The following PIK3AP1 variants were observed in gnomAD, a reference collection of about 807,000 sequenced individuals.
The protein encoded by PIK3AP1 is phosphoinositide 3-kinase adapter protein 1.
In PIK3AP1, 21 loss-of-function variants were observed where a neutral mutation model predicts 88.1. The ratio of observed to expected loss-of-function variants is 0.24; its 90% CI spans 0.17 to 0.34. The LOEUF is 0.34. Ranked by LOEUF, PIK3AP1 falls within the 10% of genes least tolerant of loss-of-function variation. PIK3AP1 has a pLI of 1.00. For missense variants in PIK3AP1, 828 were observed against 1,035.7 expected (o/e 0.80, Z 2.75); for synonymous variants, 398 against 400.0 (o/e 1.00, Z 0.06).
At chr10:96,666,714 G>A (rs1233848986) in intron 2 of PIK3AP1, among the ~76,000 whole-genome samples, 2 of 151,978 alleles carry the variant, frequency 1.3e-5, no homozygotes, top group African/African-American at 4.8e-5. Flanking sequence ...TATGGTGACT[G>A]CTCAATAGTC....
intron 2 of PIK3AP1, among the ~76,000 whole-genome samples, chr10:96,667,259 T>C (rs566161971): frequency 6.6e-5 from 10 of 152,194 alleles, no homozygotes; most frequent in Admixed American, 2.0e-4. Flanking sequence ...TGGTACTCAG[T>C]TGGCGCTCTG....
At chr10:96,612,631 A>G (rs1187069121) in intron 13 of PIK3AP1, among the ~76,000 whole-genome samples, 3 of 152,120 alleles carry the variant, frequency 2.0e-5, no homozygotes, top group African/African-American at 7.2e-5. Context: ...CTCAGCATGC[A>G]GTACAGGGTC....
At position 96,594,786 on chromosome 10, in the gene PIK3AP1, CT is replaced by C. The variant is rs1848728310; in HGVS notation, c.*790del. The C allele has an allele frequency of 6.6e-6, 1 of 152,188 alleles. No individual in the cohort carries two copies. Among genetic ancestry groups the C allele is most frequent in the Non-Finnish European group, 1.5e-5 (1 of 68,044 alleles). The allele number at this position is 152,188 out of a possible 1,614,324, so 9.4% of individuals were successfully genotyped here. Reference sequence around the variant, plus strand: ...CCAAATTGGAAAGAAAACAAACAAACTTGGTAGTCTCATGCCTGGGAGATAC... The same window carrying C: ...CCAAATTGGAAAGAAAACAAACAAACTGGTAGTCTCATGCCTGGGAGATAC... On this transcript the variant is annotated 3_prime_UTR_variant, in exon 17 of 17. Transcript: ENST00000339364. This position sits in a 1 kb window ranked among gnomAD's most constrained non-coding sequence, Gnocchi z 4.6.
At chr10:96,658,623 G>C (rs908186182) in intron 2 of PIK3AP1, among the ~76,000 whole-genome samples, 2 of 152,130 alleles carry the variant, frequency 1.3e-5, no homozygotes. Flanking sequence ...TGGAGGTCCC[G>C]TCCCAGAGCC....
intron 4 of PIK3AP1, 41 bp downstream of exon 4, chr10:96,652,657 A>T: frequency 6.2e-7 from 1 of 1,603,418 alleles, no homozygotes; most frequent in African/African-American, 1.3e-5. Context: ...GCAAATAAGC[A>T]ATGAAGCCCT....
At chr10:96,673,271 T>C (rs1197053619) in intron 2 of PIK3AP1, among the ~76,000 whole-genome samples, 1 of 152,200 alleles carries the variant, frequency 6.6e-6, no homozygotes, top group African/African-American at 2.4e-5. Context: ...TATCCTGGAT[T>C]CAGCGTCTCG....
At chr10:96,677,514 G>A (rs1843939513) in intron 2 of PIK3AP1, among the ~76,000 whole-genome samples, 1 of 151,120 alleles carries the variant, frequency 6.6e-6, no homozygotes, top group South Asian at 2.1e-4. Context: ...ATTTCTGAGG[G>A]TCTGTCCTGC....
At chr10:96,646,000 C>T (rs1412356838) in intron 7 of PIK3AP1, among the ~76,000 whole-genome samples, 1 of 152,202 alleles carries the variant, frequency 6.6e-6, no homozygotes, top group Non-Finnish European at 1.5e-5. Context: ...TGGCTCACAC[C>T]TGTAATCCCA....
intron 13 of PIK3AP1, among the ~76,000 whole-genome samples, chr10:96,614,808 C>G (rs1283401381): frequency 6.6e-6 from 1 of 152,012 alleles, no homozygotes; most frequent in African/African-American, 2.4e-5. Context: ...CCAACAAAGC[C>G]TTCTAGAACT....
intron 2 of PIK3AP1, among the ~76,000 whole-genome samples, chr10:96,685,319 A>G (rs770404857): frequency 3.3e-5 from 5 of 152,126 alleles, no homozygotes; most frequent in Non-Finnish European, 7.4e-5. Flanking sequence ...AGCACCTCCA[A>G]ATCTCCCCCA....
chr10:96,603,169 T>C (rs1055038785), intron 15 of PIK3AP1, among the ~76,000 whole-genome samples: 1 of 152,164 alleles, frequency 6.6e-6, no homozygotes, highest in African/African-American at 2.4e-5. Context: ...TTCTATTTAT[T>C]GAGGTGAAGT....
Position 96,593,872 on chromosome 10 carries a change from A to C in PIK3AP1, c.*1705T>G, listed in dbSNP as rs1848712887. The C allele has an allele frequency of 6.6e-6, 1 of 152,258 alleles. No individual in the cohort carries two copies. The highest frequency in any genetic ancestry group is 6.5e-5 in the Admixed American group (1 of 15,288). 9.4% of individuals were successfully genotyped at this position (152,258 alleles called of 1,614,324 possible). A position where few individuals can be genotyped will look rare whatever the true frequency, so the allele number is the denominator to read the frequency against. The stretch of plus-strand genomic sequence containing the variant: ...CCTTGTTTCAGTACTCTTCAGTATG[A>C]GTCCTTACTTGCAGGACTGAGGAAT... On this transcript the variant is annotated 3_prime_UTR_variant, in exon 17 of 17. Coordinates refer to ENST00000339364, the MANE Select transcript of PIK3AP1 (RefSeq NM_152309.3).
chr10:96,632,347 A>G (rs192073051), intron 8 of PIK3AP1, among the ~76,000 whole-genome samples: 24 of 152,290 alleles, frequency 1.6e-4, no homozygotes, highest in Admixed American at 1.6e-3. Context: ...AGCCTGAGTG[A>G]AAGGTATGTA....
chr10:96,601,720 CAA>C (rs1848900007), intron 16 of PIK3AP1, among the ~76,000 whole-genome samples: 1 of 152,130 alleles, frequency 6.6e-6, no homozygotes, highest in South Asian at 2.1e-4. Flanking sequence ...GAATTCTAGC[CAA>C]ACTGATAAAA....
In PIK3AP1 at chr10:96,609,816, A is replaced by G. The variant is rs1849075736; in HGVS notation, c.2066T>C (p.Val689Ala). 6.2e-7 allele frequency: 1 copy of G among 1,613,886 alleles called. No individual in the cohort carries two copies. Among genetic ancestry groups the G allele is most frequent in the Admixed American group, 1.7e-5 (1 of 59,992 alleles). The change falls in exon 14 of 17, where the codon GTG (valine) becomes GCG (alanine). Residue 689 changes from valine (V) to alanine (A), a missense_variant. Physicochemically the swap from Val to Ala is moderately conservative, Grantham distance 64. Around this residue, in one of 3 missense-constraint regions of PIK3AP1, gnomAD observed 191 missense variants for 208.6 expected, o/e 0.92. Coordinates refer to ENST00000339364, the MANE Select transcript of PIK3AP1 (RefSeq NM_152309.3). ...IRHSQHLPAK[V>A]EFGVYESGPR... ...GCCACTCTCATAGACTCCAAACTCC[A>G]CTTTTGCAGGCAGGTGCTGTGAGTG...
At chr10:96,603,623 G>C (rs149988633) in intron 15 of PIK3AP1, 1,630 of 156,068 alleles carry the variant, frequency 0.01, 29 homozygotes, top group Middle Eastern at 0.052. Context: ...TCAGCTTGCA[G>C]GTGGCCTCTT....
intron 16 of PIK3AP1, among the ~76,000 whole-genome samples, chr10:96,598,024 G>GTTTTTTTGTT (rs1564948553): frequency 2.1e-5 from 3 of 145,632 alleles, no homozygotes; most frequent in African/African-American, 7.7e-5. Flanking sequence ...ATTATAGTGG[G>GTTTTTTTGTT]TTTTTTTTGT....
chr10:96,598,847 T>C (rs140364896), intron 16 of PIK3AP1, among the ~76,000 whole-genome samples: 1 of 152,234 alleles, frequency 6.6e-6, no homozygotes, highest in East Asian at 1.9e-4. Context: ...AAAGAAACAG[T>C]ACAGAGTGGC....
Position 96,693,599 on chromosome 10 carries a change from C to T in PIK3AP1, c.430+15968G>A, listed in dbSNP as rs114811871. ...CAATACTTCTGTTCATAAACCTTCA[C>T]GTAACACTTTCTTGGAAGTGACATT... is the stretch of plus-strand genomic sequence containing the variant. On this transcript the variant is annotated intron_variant, in intron 2 of 16. Coordinates refer to ENST00000339364, the MANE Select transcript of PIK3AP1 (RefSeq NM_152309.3). Among the ~76,000 whole-genome samples the T allele has an allele frequency of 3.0e-3, 452 of 152,322 alleles. 3 individuals carry two copies. The highest frequency in any genetic ancestry group is 0.01 in the African/African-American group (418 of 41,572).
Sources: allele counts gnomAD v4.1 joint callset (sites outside exome capture counted in the v4.1 genomes callset), GRCh38; gene constraint gnomAD v4.1.1; regional missense constraint gnomAD v4.1.1; non-coding constraint Gnocchi (gnomAD v3.1); transcripts MANE v1.5; gene names NCBI Gene and HGNC (gene_info 2026-07-23, HGNC 2026-07-21).